CDH5: variants seen among roughly 807,000 people sequenced by gnomAD.
CDH5 encodes cadherin-5.
CDH5 carries 28 observed loss-of-function variants against 62.0 expected under a neutral mutation model. The observed-to-expected ratio is 0.45, with a 90% CI of 0.33 to 0.62. The LOEUF (loss-of-function observed/expected upper bound fraction) is 0.62, where lower values mean the gene tolerates loss of function less well. CDH5 is among the 20% of genes least tolerant of loss of function. The pLI is 0.02. For synonymous variants in CDH5, 464 were observed against 445.8 expected (o/e 1.04, Z -0.52); for missense variants, 940 against 1,065.1 (o/e 0.88, Z 1.63).
At chr16:66,392,049 A>C (rs971980927) in intron 6 of CDH5, 87 bp from the exon 7 acceptor site, 4 of 1,516,518 alleles carry the variant, frequency 2.6e-6, no homozygotes, top group Non-Finnish European at 2.7e-6. Context: ...TCATCCTGGT[A>C]CTACCTTGCA....
At position 66,403,102 on chromosome 16, in the gene CDH5, G is replaced by A; in HGVS notation, c.2288G>A (p.Trp763Ter). ...GTGGATTACGACTTCCTTAACGACT[G>A]GGGACCCAGGTTTAAGATGCTGGCT... is the stretch of plus-strand genomic sequence containing the variant. ...SDVDYDFLND[W>*]GPRFKMLAEL... The change falls in exon 12 of 12, where the codon TGG (tryptophan) becomes TAG (stop). Residue 763 changes from tryptophan to a stop codon, truncating the protein, a stop_gained. Coordinates refer to ENST00000341529, the MANE Select transcript of CDH5 (RefSeq NM_001795.5). LOFTEE classifies it high-confidence loss of function. This position sits in a 1 kb window ranked among gnomAD's most constrained non-coding sequence, Gnocchi z 4.3. 2 of 1,613,690 alleles carry A rather than the reference G, an allele frequency of 1.2e-6. No homozygotes were observed. Among genetic ancestry groups the A allele is most frequent in the East Asian group, 2.2e-5 (1 of 44,862 alleles).
intron 7 of CDH5, 174 bp downstream of exon 7, chr16:66,392,557 C>A (rs1961107854): frequency 2.5e-6 from 2 of 802,432 alleles, no homozygotes; most frequent in South Asian, 1.8e-5. Context: ...AGCCTGGCAT[C>A]TTGACCTGCC....
chr16:66,370,966 C>T (rs926176504), intron 1 of CDH5, among the ~76,000 whole-genome samples: 4 of 152,110 alleles, frequency 2.6e-5, no homozygotes, highest in African/African-American at 9.7e-5. Context: ...AGACTTCCTC[C>T]AGCAGGGAGT....
At chr16:66,399,406 C>T (rs1961243144) in intron 10 of CDH5, among the ~76,000 whole-genome samples, 1 of 152,152 alleles carries the variant, frequency 6.6e-6, no homozygotes, top group South Asian at 2.1e-4. Flanking sequence ...CCTGCCTGTC[C>T]CTAATGGGCA....
chr16:66,383,102 A>G (rs1449234254), intron 2 of CDH5, among the ~76,000 whole-genome samples: 2 of 152,204 alleles, frequency 1.3e-5, no homozygotes, highest in East Asian at 3.8e-4. Context: ...TGTCGAGGTC[A>G]TCAGAAACCA....
rs1221473333 is a variant in CDH5, at chr16:66,402,840, C to A, written c.2026C>A (p.Pro676Thr). 6.9e-6 allele frequency: 11 copies of A among 1,600,016 alleles called. No homozygotes were observed. Among genetic ancestry groups the A allele is most frequent in the Non-Finnish European group, 9.4e-6 (11 of 1,174,206 alleles). The change falls in exon 12 of 12, where the codon CCC (proline) becomes ACC (threonine). Residue 676 changes from proline (P) to threonine (T), a missense_variant. Physicochemically the swap from Pro to Thr is conservative, Grantham distance 38. Transcript: ENST00000341529. The stretch of plus-strand genomic sequence containing the variant: ...CCGCGGCGGGGCCAAGCCCCCGCGG[C>A]CCGCGCTGGACGCCCGGCCTTCCCT... Reference protein sequence around the residue: ...VRRGGAKPPRPALDARPSLYA... With the variant: ...VRRGGAKPPRTALDARPSLYA...
chr16:66,380,500 G>GTGGTGAT (rs1960877699), intron 2 of CDH5, among the ~76,000 whole-genome samples: 1 of 149,814 alleles, frequency 6.7e-6, no homozygotes, highest in African/African-American at 2.5e-5. Context: ...CACGATGATG[G>GTGGTGAT]CGGTGATGAT....
intron 5 of CDH5, among the ~76,000 whole-genome samples, chr16:66,389,723 C>G (rs1027402118): frequency 2.6e-5 from 4 of 152,164 alleles, no homozygotes; most frequent in Admixed American, 6.5e-5. Flanking sequence ...ATCCTGCCGC[C>G]CCCTGCCACA....
At chr16:66,373,244 A>G (rs1960724369) in intron 1 of CDH5, among the ~76,000 whole-genome samples, 1 of 152,070 alleles carries the variant, frequency 6.6e-6, no homozygotes, top group Non-Finnish European at 1.5e-5. Flanking sequence ...GGCTAAAATG[A>G]AAAAAGGGCT....
chr16:66,387,056 A>G lies in CDH5; in HGVS notation c.458A>G (p.His153Arg), dbSNP rs919396849. The part of the protein sequence containing the change: ...DVNDNWPVFT[H>R]RLFNASVPES... ...AACGACAACTGGCCTGTGTTCACGC[A>G]TCGGTTGTTCAATGCGTCCGTGCCT... is the stretch of plus-strand genomic sequence containing the variant. Residue 153 changes from histidine (H) to arginine (R), a missense_variant, in exon 3 of 12, where the codon CAT becomes CGT. His to Arg is a conservative substitution (Grantham distance 29). Transcript: ENST00000341529. 3.8e-5 allele frequency: 62 copies of G among 1,613,964 alleles called. No homozygotes were observed. Among genetic ancestry groups the G allele is most frequent in the Non-Finnish European group, 4.8e-5 (57 of 1,180,000 alleles).
chr16:66,400,939 G>A lies in CDH5; in HGVS notation c.1760G>A (p.Cys587Tyr). 1.2e-6 allele frequency: 2 copies of A among 1,614,210 alleles called. No homozygotes were observed. Among genetic ancestry groups the A allele is most frequent in the Non-Finnish European group, 1.7e-6 (2 of 1,180,054 alleles). ...KCNEQGEFTF[C>Y]EDMAAQVGVS... is the part of the protein sequence containing the mutation. Reference sequence around the variant, plus strand: ...AACGAGCAGGGCGAGTTCACCTTCTGCGAGGATATGGCCGCCCAGGTGGGC... The same window carrying A: ...AACGAGCAGGGCGAGTTCACCTTCTACGAGGATATGGCCGCCCAGGTGGGC... Residue 587 changes from cysteine (C) to tyrosine (Y), a missense_variant, in exon 11 of 12, where the codon TGC becomes TAC. Physicochemically the swap from Cys to Tyr is radical, Grantham distance 194. Transcript: ENST00000341529.
intron 10 of CDH5, among the ~76,000 whole-genome samples, chr16:66,400,533 C>T (rs1304047767): frequency 6.6e-6 from 1 of 152,148 alleles, no homozygotes; most frequent in African/African-American, 2.4e-5. Flanking sequence ...AGGATTTGAC[C>T]TTCTTTCACC....
At chr16:66,390,273 G>C in intron 5 of CDH5, 130 bp from the exon 6 acceptor site, 1 of 674,888 alleles carries the variant, frequency 1.5e-6, no homozygotes, top group Non-Finnish European at 2.4e-6. Flanking sequence ...GAATCCCAGG[G>C]GTATTATTAT....
intron 1 of CDH5, 24 bp from the exon 2 acceptor site, chr16:66,379,294 CT>C (rs1960840604): frequency 6.5e-7 from 1 of 1,536,760 alleles, no homozygotes; most frequent in African/African-American, 1.4e-5. Flanking sequence ...TGGCCAGAGT[CT>C]GAATGTGTCT....
chr16:66,383,192 G>A (rs181970819), intron 2 of CDH5, among the ~76,000 whole-genome samples: 74 of 152,202 alleles, frequency 4.9e-4, no homozygotes, highest in Admixed American at 4.1e-3. Flanking sequence ...ATCCAGTGTG[G>A]GATCCTGGAA....
intron 2 of CDH5, among the ~76,000 whole-genome samples, chr16:66,381,090 G>C (rs1960890479): frequency 1.3e-5 from 2 of 152,182 alleles, no homozygotes; most frequent in Non-Finnish European, 2.9e-5. Flanking sequence ...GAAAAGAACT[G>C]TGCAGCCTTC....
rs936126256 is a variant in CDH5 at position 66,404,244 on chromosome 16, C to G, written c.*1075C>G. 2.0e-5 allele frequency: 3 copies of G among 152,756 alleles called. No individual in the cohort carries two copies. The highest frequency in any genetic ancestry group is 7.2e-5 in the African/African-American group (3 of 41,480). 9.5% of individuals were successfully genotyped at this position (152,756 alleles called of 1,614,324 possible). A position where few individuals can be genotyped will look rare whatever the true frequency, so the allele number is the denominator to read the frequency against. On this transcript the variant is annotated 3_prime_UTR_variant, in exon 12 of 12. Coordinates refer to ENST00000341529, the MANE Select transcript of CDH5 (RefSeq NM_001795.5). ...ATGTGTCTTTACACCTCGCTGTTGT[C>G]ACATCTCAGGGAACTGACCCTCAGG...
At chr16:66,394,182 C>T (rs1167060840) in intron 7 of CDH5, among the ~76,000 whole-genome samples, 1 of 152,064 alleles carries the variant, frequency 6.6e-6, no homozygotes, top group East Asian at 1.9e-4. Flanking sequence ...ACTATTTTAC[C>T]TTCATTATGG....
intron 1 of CDH5, among the ~76,000 whole-genome samples, chr16:66,369,048 C>T (rs1302634835): frequency 1.3e-5 from 2 of 152,146 alleles, no homozygotes; most frequent in South Asian, 2.1e-4. Context: ...CTTGGGCAGC[C>T]CCTCTGCAGC....
Sources: gnomAD v4.1 joint callset for allele counts (sites outside exome capture counted in the v4.1 genomes callset) on GRCh38, gnomAD v4.1.1 for gene constraint, Gnocchi (gnomAD v3.1) non-coding constraint, MANE v1.5 for transcripts, NCBI Gene and HGNC (gene_info 2026-07-23, HGNC 2026-07-21) for gene names.